Variants in RDM1 observed in about 807,000 individuals in gnomAD.
The protein encoded by RDM1 is RAD52 motif containing 1, also known as RAD52 motif-containing protein 1.
A neutral mutation model predicts 27.7 loss-of-function variants in RDM1; 28 were observed. That is an observed-to-expected ratio of 1.01 (90% CI 0.75 to 1.39). The LOEUF is 1.39. Ranked by LOEUF, RDM1 falls within the 40% of genes most tolerant of loss-of-function variation. RDM1 has a pLI of 0.00. For missense variants in RDM1, 277 were observed against 337.3 expected, an observed-to-expected ratio of 0.82 and a Z score of 1.40; for synonymous variants, 124 against 127.5, an observed-to-expected ratio of 0.97 and a Z score of 0.19.
chr17:35,925,676 G>C (rs551367134), intron 2 of RDM1, 39 bp from the exon 3 acceptor site: 2 of 1,571,078 alleles, frequency 1.3e-6, no homozygotes, highest in African/African-American at 2.7e-5. Flanking sequence ...TATCACAACC[G>C]CTAGAGATTT....
intron 5 of RDM1, among the ~76,000 whole-genome samples, 184 bp from the exon 6 acceptor site, chr17:35,920,456 C>CTTTTTTTTTTTT (rs60990791): frequency 5.1e-5 from 6 of 118,022 alleles, no homozygotes; most frequent in Non-Finnish European, 8.1e-5. Context: ...TTCTTTCTTT[C>CTTTTTTTTTTTT]TTTTTTTTTT....
Position 35,918,090 on chromosome 17 carries a change from C to G in RDM1, c.*252G>C, listed in dbSNP as rs552304188. ...GTTATTTACCATATCTTTATCTAGG[C>G]AACCTTTATTAAGTTCCGTTCGAGA... On this transcript the variant is annotated 3_prime_UTR_variant, in exon 7 of 7. Transcript: ENST00000620284. 1.8e-6 allele frequency: 1 copy of G among 565,538 alleles called. No individual in the cohort carries two copies. The allele number at this position is 565,538 out of a possible 1,614,324, so 35.0% of individuals were successfully genotyped here. A position where few individuals can be genotyped will look rare whatever the true frequency, so the allele number is the denominator to read the frequency against.
At chr17:35,925,091 G>A (rs1474779560) in intron 3 of RDM1, among the ~76,000 whole-genome samples, 9 of 152,100 alleles carry the variant, frequency 5.9e-5, no homozygotes, top group South Asian at 2.1e-4. Context: ...CTGAGATAGC[G>A]CCACTGCACT....
intron 2 of RDM1, among the ~76,000 whole-genome samples, chr17:35,929,232 A>G (rs1212363299): frequency 6.6e-6 from 1 of 152,138 alleles, no homozygotes; most frequent in Non-Finnish European, 1.5e-5. Flanking sequence ...AAGTAAATAT[A>G]AGCAGAAGTC....
At chr17:35,926,579 AT>A (rs1403245601) in intron 2 of RDM1, among the ~76,000 whole-genome samples, 1 of 151,714 alleles carries the variant, frequency 6.6e-6, no homozygotes, top group African/African-American at 2.4e-5. Flanking sequence ...AATTTTTTGT[AT>A]TTTTTAGTAG....
chr17:35,918,648 T>TG (rs1835885364), intron 6 of RDM1, among the ~76,000 whole-genome samples: 1 of 152,174 alleles, frequency 6.6e-6, no homozygotes, highest in Admixed American at 6.5e-5. Flanking sequence ...CAATTCAGTC[T>TG]GGGAGAGAAG....
At chr17:35,922,915 C>A (rs1254125334) in intron 4 of RDM1, among the ~76,000 whole-genome samples, 3 of 152,118 alleles carry the variant, frequency 2.0e-5, no homozygotes, top group Non-Finnish European at 4.4e-5. Context: ...AGCCAAGAAC[C>A]TGGCACATGT....
intron 5 of RDM1, among the ~76,000 whole-genome samples, chr17:35,921,804 C>G (rs1435293368): frequency 6.6e-6 from 1 of 152,072 alleles, no homozygotes; most frequent in Non-Finnish European, 1.5e-5. Context: ...CAATGTCCTC[C>G]ATAAGGCTGA....
Position 35,924,995 on chromosome 17 carries a change from G to A in RDM1, c.400-223C>T, listed in dbSNP as rs576430280. ...CTAAAAATACAAAAATTAGCTGGGC[G>A]TGGTGGTGGGCGCCTGTAGTCCCAG... On this transcript the variant is annotated intron_variant, in intron 3 of 6. Coordinates refer to ENST00000620284, the MANE Select transcript of RDM1 (RefSeq NM_145654.4). Among the ~76,000 whole-genome samples the A allele has an allele frequency of 1.4e-4, 22 of 152,180 alleles. No individual in the cohort carries two copies. In the South Asian group the frequency reaches 3.5e-3, roughly 24 times the overall value.
Position 35,918,243 on chromosome 17 carries a change from G to A in RDM1, c.*99C>T. 1 of 1,012,628 alleles carries A rather than the reference G, an allele frequency of 9.9e-7. No homozygotes were observed. Among genetic ancestry groups the A allele is most frequent in the South Asian group, 1.4e-5 (1 of 72,678 alleles). 62.7% of individuals were successfully genotyped at this position (1,012,628 alleles called of 1,614,324 possible). On this transcript the variant is annotated 3_prime_UTR_variant, in exon 7 of 7. Transcript: ENST00000620284. ...TGGGCGGCCGACCCAGGTGGTTCCA[G>A]GACTCCAGCAGCCTATAGTGGTGGG...
intron 4 of RDM1, among the ~76,000 whole-genome samples, chr17:35,923,215 G>GTGGC (rs903640654): frequency 1.3e-5 from 2 of 151,882 alleles, no homozygotes; most frequent in African/African-American, 4.8e-5. Context: ...GCCGGGTGTG[G>GTGGC]TGGCACACAT....
intron 5 of RDM1, among the ~76,000 whole-genome samples, chr17:35,921,373 T>G (rs896105433): frequency 6.6e-6 from 1 of 152,228 alleles, no homozygotes; most frequent in African/African-American, 2.4e-5. Context: ...AGGTCTGTGG[T>G]AACTTAATTA....
chr17:35,920,456 C>CTTTCTTTTT (rs766240260), intron 5 of RDM1, among the ~76,000 whole-genome samples, 184 bp from the exon 6 acceptor site: 5 of 118,024 alleles, frequency 4.2e-5, no homozygotes, highest in Admixed American at 8.3e-5. Context: ...TTCTTTCTTT[C>CTTTCTTTTT]TTTTTTTTTT....
rs538126045 is a variant in RDM1 at position 35,918,125 on chromosome 17, C to T, written c.*217G>A. On this transcript the variant is annotated 3_prime_UTR_variant, in exon 7 of 7. Transcript: ENST00000620284. ...TAAGTTCCGTTCGAGATCCGCTCCT[C>T]GTCACCAGGGCGATCTTATCCCACA... 3.4e-6 allele frequency: 2 copies of T among 589,978 alleles called. No homozygotes were observed. The highest frequency in any genetic ancestry group is 2.8e-5 in the East Asian group (1 of 35,990). The allele number at this position is 589,978 out of a possible 1,614,324, so 36.5% of individuals were successfully genotyped here.
chr17:35,928,033 T>C (rs557513947), intron 2 of RDM1, among the ~76,000 whole-genome samples: 2 of 152,330 alleles, frequency 1.3e-5, no homozygotes, highest in South Asian at 4.1e-4. Context: ...TTGAACAGGC[T>C]ACTGAAGTGG....
intron 4 of RDM1, among the ~76,000 whole-genome samples, chr17:35,924,051 A>AAAT (rs557622374): frequency 7.9e-5 from 12 of 151,266 alleles, no homozygotes; most frequent in South Asian, 2.1e-4. Flanking sequence ...CCATCTCTAA[A>AAAT]AATAATAATA....
At chr17:35,922,890 T>C (rs1209324640) in intron 4 of RDM1, among the ~76,000 whole-genome samples, 3 of 152,098 alleles carry the variant, frequency 2.0e-5, no homozygotes. Flanking sequence ...CCTGAGGTAC[T>C]AGAAGGGAGA....
intron 4 of RDM1, among the ~76,000 whole-genome samples, chr17:35,924,051 A>T: frequency 6.6e-6 from 1 of 151,266 alleles, no homozygotes; most frequent in East Asian, 1.9e-4. Flanking sequence ...CCATCTCTAA[A>T]AATAATAATA....
Position 35,922,634 on chromosome 17 carries a change from G to T in RDM1, c.610C>A (p.Leu204Ile). 2 of 1,610,800 alleles carry T rather than the reference G, an allele frequency of 1.2e-6. No homozygotes were observed. Among genetic ancestry groups the T allele is most frequent in the South Asian group, 2.2e-5 (2 of 90,558 alleles). The change falls in exon 5 of 7, where the codon CTT (leucine) becomes ATT (isoleucine). Residue 204 changes from leucine (L) to isoleucine (I), a missense_variant. Physicochemically the swap from Leu to Ile is conservative, Grantham distance 5. Transcript: ENST00000620284. The part of the protein sequence containing the change: ...FLMKRKTAQK[L>I]AIQKALSDAF... ...TCTGACAAAGCCTTCTGAATAGCAA[G>T]CTTCTGGGCTGTCTTCCTTTTCATA...
Sources: gnomAD v4.1 joint callset for allele counts (sites outside exome capture counted in the v4.1 genomes callset) on GRCh38, gnomAD v4.1.1 for gene constraint, MANE v1.5 for transcripts, NCBI Gene and HGNC (gene_info 2026-07-23, HGNC 2026-07-21) for gene names.